The following GRIP2 variants were observed in gnomAD, a reference collection of about 807,000 sequenced individuals.
GRIP2 encodes the protein glutamate receptor interacting protein 2, also known as glutamate receptor-interacting protein 2.
Under a neutral mutation model 108.3 loss-of-function variants are expected in GRIP2, and 58 were observed. The observed-to-expected ratio is 0.54, with a 90% CI of 0.43 to 0.67. The LOEUF (loss-of-function observed/expected upper bound fraction) is 0.67. GRIP2 is among the 30% of genes least tolerant of loss of function. The pLI is 0.00. For missense variants in GRIP2, 1,278 were observed against 1,430.6 expected, an observed-to-expected ratio of 0.89 and a Z score of 1.72; for synonymous variants, 586 against 598.2, an observed-to-expected ratio of 0.98 and a Z score of 0.30.
chr3:14,519,334 C>G (rs780034220), intron 9 of GRIP2, among the ~76,000 whole-genome samples: 169 of 152,324 alleles, frequency 1.1e-3, no homozygotes, highest in Non-Finnish European at 2.1e-3. Flanking sequence ...CCTTCCTCAC[C>G]CTCCAGCTCT....
At chr3:14,559,571 G>A (rs1004113721), upstream of GRIP2, among the ~76,000 whole-genome samples, 3 of 151,870 alleles carry the variant, frequency 2.0e-5, no homozygotes, top group Non-Finnish European at 2.9e-5. Context: ...TCTCTGCCTC[G>A]TCCCAAGCTC....
the GRIP2 span, among the ~76,000 whole-genome samples, chr3:14,596,213 C>A: frequency 6.6e-6 from 1 of 152,196 alleles, no homozygotes; most frequent in African/African-American, 2.4e-5. Context: ...AAGGAGCAAG[C>A]CCTCTGGCAG....
In GRIP2 at chr3:14,490,851, C is replaced by T. The variant is rs1701320226; in HGVS notation, c.*2814G>A. 1 of 152,340 alleles carries T rather than the reference C, an allele frequency of 6.6e-6. No homozygotes were observed. Among genetic ancestry groups the T allele is most frequent in the East Asian group, 1.9e-4 (1 of 5,182 alleles). 9.4% of individuals were successfully genotyped at this position (152,340 alleles called of 1,614,324 possible). ...TGCAAATGTCGCCTCTTGAGAGAAA[C>T]CCCTCCTAATATTGTGAGCTAAAGC... On this transcript the variant is annotated 3_prime_UTR_variant, in exon 24 of 24. Coordinates refer to ENST00000621039, the MANE Select transcript of GRIP2 (RefSeq NM_001080423.4).
rs1701335265 is a variant in GRIP2 at position 14,491,525 on chromosome 3, A to G, written c.*2140T>C. Reference sequence around the variant, plus strand: ...ATGAACCATCCCCATGAGAAGCCAGAAGAAATATTGCATATGAGGAGGCCG... The same window carrying G: ...ATGAACCATCCCCATGAGAAGCCAGGAGAAATATTGCATATGAGGAGGCCG... On this transcript the variant is annotated 3_prime_UTR_variant, in exon 24 of 24. Transcript: ENST00000621039. The G allele has an allele frequency of 6.6e-6, 1 of 152,290 alleles. No individual in the cohort carries two copies. Among genetic ancestry groups the G allele is most frequent in the Non-Finnish European group, 1.5e-5 (1 of 68,070 alleles). 9.4% of individuals were successfully genotyped at this position (152,290 alleles called of 1,614,324 possible).
At position 14,512,892 on chromosome 3, in the gene GRIP2, C is replaced by T. The variant is rs369911464; in HGVS notation, c.1640-35G>A. 30 of 1,599,446 alleles carry T rather than the reference C, an allele frequency of 1.9e-5. No homozygotes were observed. The highest frequency in any genetic ancestry group is 2.6e-5 in the Non-Finnish European group (30 of 1,167,138). Reference sequence around the variant, plus strand: ...GATGGACATAAACCGACGTGAGGACCCAGAGGAGGAGCCTCAGCGAACCCC... The same window carrying T: ...GATGGACATAAACCGACGTGAGGACTCAGAGGAGGAGCCTCAGCGAACCCC... On this transcript the variant is annotated intron_variant, in intron 13 of 23. Transcript: ENST00000621039. This position sits in a 1 kb window ranked among gnomAD's most constrained non-coding sequence, Gnocchi z 5.1.
chr3:14,517,265 C>T, intron 10 of GRIP2, 52 bp from the exon 11 acceptor site: 1 of 1,483,666 alleles, frequency 6.7e-7, no homozygotes, highest in South Asian at 1.4e-5. Flanking sequence ...CTCTCCACCC[C>T]ACCACACAGT....
rs1694866644 is a variant in GRIP2, at chr3:14,537,702, T to C, written c.40+2567A>G. 1.3e-5 allele frequency among the ~76,000 whole-genome samples: 2 copies of C among 152,138 alleles called. 1 individual carries two copies. The highest frequency in any genetic ancestry group is 4.1e-4 in the South Asian group (2 of 4,828). On this transcript the variant is annotated intron_variant, in intron 1 of 23. Coordinates refer to ENST00000621039, the MANE Select transcript of GRIP2 (RefSeq NM_001080423.4). ...GGAGGCCAGGCCTGCCTGAGGAGTC[T>C]CAGAGCCAAGGGGTAGGCCTGGTGA...
chr3:14,529,526 C>T (rs1694654609), intron 1 of GRIP2, among the ~76,000 whole-genome samples: 2 of 152,086 alleles, frequency 1.3e-5, no homozygotes, highest in Admixed American at 6.5e-5. Context: ...CAAAGTAATA[C>T]CATAATTATT....
chr3:14,590,618 C>T, the GRIP2 span, among the ~76,000 whole-genome samples: 72 of 152,324 alleles, frequency 4.7e-4, no homozygotes, highest in African/African-American at 1.6e-3. Flanking sequence ...CGCCCTGCCT[C>T]CACTTGCTTC....
At chr3:14,575,662 G>A in the GRIP2 span, among the ~76,000 whole-genome samples, 30 of 152,284 alleles carry the variant, frequency 2.0e-4, no homozygotes, top group Non-Finnish European at 4.4e-4. Flanking sequence ...CACAGCCGAG[G>A]CTGGCAGCCT....
intron 3 of GRIP2, among the ~76,000 whole-genome samples, chr3:14,525,066 G>A (rs1214347591): frequency 2.0e-5 from 3 of 152,222 alleles, no homozygotes; most frequent in Non-Finnish European, 4.4e-5. Flanking sequence ...GGGTCAGGGA[G>A]GGCTTCCTGG....
At chr3:14,583,795 G>A in the GRIP2 span, among the ~76,000 whole-genome samples, 1 of 152,194 alleles carries the variant, frequency 6.6e-6, no homozygotes, top group Non-Finnish European at 1.5e-5. Context: ...TTATTAGGAA[G>A]AGGTAAATAA....
At position 14,506,698 on chromosome 3, in the gene GRIP2, G is replaced by A. The variant is rs944627684; in HGVS notation, c.2398+103C>T. 1.2e-5 allele frequency: 13 copies of A among 1,130,288 alleles called. No homozygotes were observed. The African/African-American group carries it at 1.9e-4, about 16-fold the overall frequency. 70.0% of individuals were successfully genotyped at this position (1,130,288 alleles called of 1,614,324 possible). ...GCCCCTAAAGGATGCCAGGAGAGGA[G>A]CGCAGGAGGGAGGAACAGGCACAAG... On this transcript the variant is annotated intron_variant, in intron 19 of 23. Transcript: ENST00000621039.
chr3:14,530,206 T>A (rs1694671637), intron 1 of GRIP2, among the ~76,000 whole-genome samples: 1 of 152,212 alleles, frequency 6.6e-6, no homozygotes, highest in Admixed American at 6.5e-5. Context: ...AGGGTAGATC[T>A]CTTCAAAGGT....
Position 14,505,935 on chromosome 3 carries a change from C to G in GRIP2, c.2399-146G>C. Reference sequence around the variant, plus strand: ...TACACAGCCCTCTGAGGGCCTCTGCCTCTCAGAATCTCCCTGGAGCTCCTG... The same window carrying G: ...TACACAGCCCTCTGAGGGCCTCTGCGTCTCAGAATCTCCCTGGAGCTCCTG... On this transcript the variant is annotated intron_variant, in intron 19 of 23. Coordinates refer to ENST00000621039, the MANE Select transcript of GRIP2 (RefSeq NM_001080423.4). This position sits in a 1 kb window ranked among gnomAD's most constrained non-coding sequence, Gnocchi z 4.2. 1.5e-6 allele frequency: 1 copy of G among 651,970 alleles called. No homozygotes were observed. The highest frequency in any genetic ancestry group is 2.4e-6 in the Non-Finnish European group (1 of 409,196). 40.4% of individuals were successfully genotyped at this position (651,970 alleles called of 1,614,324 possible). A position where few individuals can be genotyped will look rare whatever the true frequency, so the allele number is the denominator to read the frequency against.
chr3:14,532,713 G>A (rs1694740256), intron 1 of GRIP2, among the ~76,000 whole-genome samples: 1 of 152,120 alleles, frequency 6.6e-6, no homozygotes, highest in South Asian at 2.1e-4. Flanking sequence ...CTGAGTTAAG[G>A]GCGGGGCTCA....
intron 1 of GRIP2, among the ~76,000 whole-genome samples, chr3:14,529,703 ATTATT>A (rs1348018959): frequency 1.3e-5 from 2 of 151,898 alleles, no homozygotes; most frequent in African/African-American, 4.8e-5. Flanking sequence ...ACATTCACCT[ATTATT>A]TTATTTTTCC....
chr3:14,554,955 C>T (rs905752254), intron 1 of GRIP2, among the ~76,000 whole-genome samples: 2 of 152,144 alleles, frequency 1.3e-5, no homozygotes, highest in African/African-American at 4.8e-5. Context: ...GATTCTTGCT[C>T]CTCAGCCTGA....
the GRIP2 span, among the ~76,000 whole-genome samples, chr3:14,578,393 G>A: frequency 3.3e-5 from 5 of 152,152 alleles, no homozygotes; most frequent in African/African-American, 1.2e-4. Context: ...GAGGACTAAG[G>A]GAAGTGGTGC....
Sources: gnomAD v4.1 joint callset for allele counts (sites outside exome capture counted in the v4.1 genomes callset) on GRCh38, gnomAD v4.1.1 for gene constraint, Gnocchi (gnomAD v3.1) non-coding constraint, MANE v1.5 for transcripts, NCBI Gene and HGNC (gene_info 2026-07-23, HGNC 2026-07-21) for gene names.